The following DLGAP2 variants were observed in gnomAD, a reference collection of about 807,000 sequenced individuals.
DLGAP2 encodes the protein disks large-associated protein 2.
Under a neutral mutation model 100.3 loss-of-function variants are expected in DLGAP2, and 26 were observed. The observed-to-expected ratio is 0.26, with a 90% confidence interval of 0.19 to 0.36. DLGAP2 has a LOEUF of 0.36. Ranked by LOEUF, DLGAP2 falls within the 10% of genes least tolerant of loss-of-function variation. DLGAP2 has a pLI of 1.00. For missense variants in DLGAP2, 1,858 were observed against 1,453.2 expected, an observed-to-expected ratio of 1.28 and a Z score of -4.53; for synonymous variants, 886 against 630.1, an observed-to-expected ratio of 1.41 and a Z score of -6.08.
intron 3 of DLGAP2, among the ~76,000 whole-genome samples, chr8:1,425,610 G>T (rs1306427305): frequency 6.6e-6 from 1 of 152,224 alleles, no homozygotes; most frequent in Non-Finnish European, 1.5e-5. Context: ...GACAGCCTGG[G>T]CGCATGATCC....
intron 3 of DLGAP2, among the ~76,000 whole-genome samples, chr8:1,416,104 A>G (rs1796875206): frequency 6.6e-6 from 1 of 152,218 alleles, no homozygotes; most frequent in Admixed American, 6.5e-5. Context: ...GACCCTGCAT[A>G]ATATCTGCTT....
intron 2 of DLGAP2, chr8:1,002,038 C>T (rs777600583): frequency 5.9e-5 from 9 of 152,186 alleles, no homozygotes; most frequent in Non-Finnish European, 1.2e-4. Context: ...TGGGACTGTG[C>T]TACCTGTTTA....
chr8:1,291,586 G>C (rs1439072342), intron 3 of DLGAP2, among the ~76,000 whole-genome samples: 1 of 152,146 alleles, frequency 6.6e-6, no homozygotes, highest in Non-Finnish European at 1.5e-5. Context: ...TTCTGGGGAA[G>C]CCCCTGCCTA....
At chr8:1,630,801 T>G (rs1797622647) in intron 7 of DLGAP2, among the ~76,000 whole-genome samples, 1 of 152,170 alleles carries the variant, frequency 6.6e-6, no homozygotes, top group South Asian at 2.1e-4. Context: ...TGAGAGGTGC[T>G]TATGTCCATG....
intron 2 of DLGAP2, among the ~76,000 whole-genome samples, chr8:988,368 T>C (rs1427560541): frequency 6.6e-6 from 1 of 152,240 alleles, no homozygotes; most frequent in Non-Finnish European, 1.5e-5. Context: ...TGTCATTCTT[T>C]ATTCTTCTCT....
rs1472637054 is a variant in DLGAP2 at position 1,036,104 on chromosome 8, C to T, written c.73+128138C>T. 4.9e-5 allele frequency among the ~76,000 whole-genome samples: 7 copies of T among 142,692 alleles called. No homozygotes were observed. The East Asian group carries it at 9.0e-4, about 18-fold the overall frequency. 93.6% of individuals were successfully genotyped at this position (142,692 alleles called of 152,430 possible). On this transcript the variant is annotated intron_variant, in intron 2 of 14. Transcript: ENST00000637795. ...ACAGCCTCATCCCGACCCCGCGTGT[C>T]ACCGCGAGTGGATTCACACGCTCAT... is the stretch of plus-strand genomic sequence containing the variant.
At position 1,696,147 on chromosome 8, in the gene DLGAP2, G is replaced by A. The variant is rs188418107; in HGVS notation, c.2797-1000G>A. Among the ~76,000 whole-genome samples, 40 of 152,316 alleles carry A rather than the reference G, an allele frequency of 2.6e-4. 1 individual carries two copies. In the East Asian group the frequency reaches 7.4e-3, roughly 28 times the overall value. On this transcript the variant is annotated intron_variant, in intron 13 of 14. Transcript: ENST00000637795. ...ATGTTGACCCACCAGAACCTCCTCT[G>A]ACTCTTTTAAATCCCCACTGAATCA...
In DLGAP2 at chr8:782,905, A is replaced by G. The variant is rs557116764; in HGVS notation, c.18+45080A>G. Among the ~76,000 whole-genome samples the G allele has an allele frequency of 2.0e-5, 3 of 152,194 alleles. No homozygotes were observed. The South Asian group carries it at 6.2e-4, about 32-fold the overall frequency. ...AAGAAGAACCAACCCCCAAATCACA[A>G]TACTCTGTTAGGGCTCAGAAACAGT... is the stretch of plus-strand genomic sequence containing the variant. On this transcript the variant is annotated intron_variant, in intron 1 of 14. Coordinates refer to ENST00000637795, the MANE Select transcript of DLGAP2 (RefSeq NM_001346810.2).
At chr8:1,425,460 A>C (rs1558027) in intron 3 of DLGAP2, among the ~76,000 whole-genome samples, 2 of 151,970 alleles carry the variant, frequency 1.3e-5, no homozygotes, top group Admixed American at 6.6e-5. Context: ...CTGTTTAAGA[A>C]AGAAAGAAGT....
At chr8:1,686,222 G>A (rs908165373) in intron 12 of DLGAP2, among the ~76,000 whole-genome samples, 1 of 152,180 alleles carries the variant, frequency 6.6e-6, no homozygotes, top group Non-Finnish European at 1.5e-5. Flanking sequence ...AGAAAGTAAT[G>A]TGTGTGAATA....
chr8:999,458 T>A (rs1800878636), intron 2 of DLGAP2, among the ~76,000 whole-genome samples: 1 of 151,952 alleles, frequency 6.6e-6, no homozygotes, highest in Non-Finnish European at 1.5e-5. Context: ...ATTTACCTCT[T>A]GGTCTTGTGG....
chr8:1,030,094 C>T (rs1265500922), intron 2 of DLGAP2, among the ~76,000 whole-genome samples: 1 of 152,152 alleles, frequency 6.6e-6, no homozygotes, highest in Non-Finnish European at 1.5e-5. Context: ...CTTTGTAAAT[C>T]TTAAAATACA....
chr8:1,430,925 C>G (rs1239130793), intron 3 of DLGAP2, among the ~76,000 whole-genome samples: 1 of 152,182 alleles, frequency 6.6e-6, no homozygotes, highest in African/African-American at 2.4e-5. Context: ...TCTGACTCGG[C>G]TGTTGACTGT....
intron 2 of DLGAP2, among the ~76,000 whole-genome samples, chr8:1,063,663 T>G (rs1336120445): frequency 6.6e-6 from 1 of 152,184 alleles, no homozygotes; most frequent in East Asian, 1.9e-4. Flanking sequence ...TTGCTAGCTT[T>G]AAAAGTTCCT....
intron 6 of DLGAP2, among the ~76,000 whole-genome samples, chr8:1,603,986 G>T (rs12114859): frequency 6.6e-6 from 1 of 152,060 alleles, no homozygotes; most frequent in South Asian, 2.1e-4. Flanking sequence ...CAGCCACCGC[G>T]TCGGCACCTC....
intron 4 of DLGAP2, among the ~76,000 whole-genome samples, chr8:1,538,225 T>A (rs534651164): frequency 6.6e-6 from 1 of 152,338 alleles, no homozygotes; most frequent in Non-Finnish European, 1.5e-5. Context: ...CTCTTCTTTT[T>A]ATCACTATCT....
At chr8:1,197,112 G>T (rs1303443613) in intron 2 of DLGAP2, among the ~76,000 whole-genome samples, 2 of 133,336 alleles carry the variant, frequency 1.5e-5, no homozygotes, top group African/African-American at 5.7e-5. Context: ...TGGGCCCTCA[G>T]TGGATTGGAG....
chr8:1,418,946 C>A (rs908619375), intron 3 of DLGAP2, among the ~76,000 whole-genome samples: 1 of 152,210 alleles, frequency 6.6e-6, no homozygotes, highest in Non-Finnish European at 1.5e-5. Context: ...CGGGGAAACA[C>A]TTTACTTGTG....
chr8:1,519,394 A>G (rs7815068), intron 4 of DLGAP2, among the ~76,000 whole-genome samples: 107,082 of 151,840 alleles, frequency 0.71, 38,110 homozygotes, highest in South Asian at 0.82. Context: ...AGTGTTTTGC[A>G]CGACAAGTTC....
Sources: gnomAD v4.1 joint callset for allele counts (sites outside exome capture counted in the v4.1 genomes callset) on GRCh38, gnomAD v4.1.1 for gene constraint, MANE v1.5 for transcripts, NCBI Gene and HGNC (gene_info 2026-07-23, HGNC 2026-07-21) for gene names.